TRANK1: variants seen among roughly 807,000 people sequenced by gnomAD.
TRANK1 encodes the protein tetratricopeptide repeat and ankyrin repeat containing 1.
Under a neutral mutation model 266.0 loss-of-function variants are expected in TRANK1, and 198 were observed. That is an observed-to-expected ratio of 0.74 (90% CI 0.66 to 0.84). The LOEUF (loss-of-function observed/expected upper bound fraction) is 0.84. Ranked by LOEUF, TRANK1 falls within the 40% of genes least tolerant of loss-of-function variation. The probability of loss-of-function intolerance (pLI) is 0.00; values close to 1 mark genes in which losing one functional copy is unlikely to be tolerated. For synonymous variants in TRANK1, 1,396 were observed against 1,384.1 expected, an observed-to-expected ratio of 1.01 and a Z score of -0.19; for missense variants, 3,326 against 3,634.6, an observed-to-expected ratio of 0.92 and a Z score of 2.18.
intron 7 of TRANK1, among the ~76,000 whole-genome samples, chr3:36,890,924 TA>T (rs1246028174): frequency 3.9e-5 from 6 of 152,228 alleles, no homozygotes; most frequent in Non-Finnish European, 7.3e-5. Context: ...ATGACATTCA[TA>T]ACCAGAGCCA....
intron 8 of TRANK1, among the ~76,000 whole-genome samples, chr3:36,878,756 C>T (rs1438105541): frequency 6.7e-6 from 1 of 148,414 alleles, no homozygotes; most frequent in Non-Finnish European, 1.5e-5. Context: ...GTACCCCCCC[C>T]GAACCTAAAA....
intron 1 of TRANK1, among the ~76,000 whole-genome samples, chr3:36,936,523 T>A (rs1410770393): frequency 3.3e-5 from 5 of 149,588 alleles, no homozygotes; most frequent in African/African-American, 1.2e-4. Flanking sequence ...TTGAAGGGAA[T>A]CTAAGATAGG....
In TRANK1 at chr3:36,832,596, C is replaced by A. The variant is rs1298870601; in HGVS notation, c.6987G>T (p.Leu2329=). The A allele has an allele frequency of 3.1e-6, 5 of 1,614,026 alleles. No individual in the cohort carries two copies. The highest frequency in any genetic ancestry group is 4.2e-6 in the Non-Finnish European group (5 of 1,179,902). The change falls in exon 22 of 24, where the codon CTG becomes CTT. Residue 2329 remains leucine, a synonymous_variant. Transcript: ENST00000645898. ...GGAAAGCTTGCATGGCACTCAGCCACAGGTCTGTGGATTCCCGGCGGTTGC... is the reference window on the plus strand; with the variant it reads ...GGAAAGCTTGCATGGCACTCAGCCAAAGGTCTGTGGATTCCCGGCGGTTGC... ...SARNRRESTD[L]WLSAMQAFLL...
At chr3:36,905,511 G>A (rs568435734) in intron 2 of TRANK1, among the ~76,000 whole-genome samples, 1 of 152,276 alleles carries the variant, frequency 6.6e-6, no homozygotes, top group South Asian at 2.1e-4. Flanking sequence ...CCTCACAGGG[G>A]GCAGCTTGAT....
At chr3:36,917,808 G>A (rs1376788507) in intron 1 of TRANK1, among the ~76,000 whole-genome samples, 1 of 152,094 alleles carries the variant, frequency 6.6e-6, no homozygotes, top group Non-Finnish European at 1.5e-5. Context: ...CTCTTTTCAT[G>A]CACAAAGCAC....
chr3:36,883,441 T>C (rs1575258611), intron 8 of TRANK1, among the ~76,000 whole-genome samples: 6 of 110,604 alleles, frequency 5.4e-5, no homozygotes, highest in African/African-American at 2.4e-4. Flanking sequence ...TAAGACTCTG[T>C]CTCAAAAAAA....
intron 15 of TRANK1, among the ~76,000 whole-genome samples, chr3:36,848,436 T>G (rs1340981271): frequency 6.6e-6 from 1 of 152,212 alleles, no homozygotes; most frequent in Non-Finnish European, 1.5e-5. Flanking sequence ...CTTAAGAAAC[T>G]TCATATTTCA....
intron 2 of TRANK1, 113 bp downstream of exon 2, chr3:36,908,210 A>G: frequency 8.7e-7 from 1 of 1,143,884 alleles, no homozygotes; most frequent in Non-Finnish European, 1.1e-6. Flanking sequence ...ATAGGAAGTG[A>G]GCAATAAAGA....
In TRANK1 at chr3:36,832,736, A is replaced by C. The variant is rs754350879; in HGVS notation, c.6847T>G (p.Ser2283Ala). Residue 2283 changes from serine to alanine, a missense_variant, in exon 22 of 24, where the codon TCA (serine) becomes GCA (alanine). Physicochemically the swap from Ser to Ala is moderately conservative, Grantham distance 99 (BLOSUM62 1). Coordinates refer to ENST00000645898, the MANE Select transcript of TRANK1 (RefSeq NM_001329998.2). ...FPKHFHQRVL[S>A]ENPMACKEIL... Reference sequence around the variant, plus strand: ...TCTTTGCATGCCATGGGGTTTTCTGACAACACTCTCTGATGGAAATGCTTA... The same window carrying C: ...TCTTTGCATGCCATGGGGTTTTCTGCCAACACTCTCTGATGGAAATGCTTA... The C allele has an allele frequency of 6.2e-7, 1 of 1,614,030 alleles. No homozygotes were observed. The highest frequency in any genetic ancestry group is 1.1e-5 in the South Asian group (1 of 91,078).
At chr3:36,890,701 T>C (rs1386042878) in intron 7 of TRANK1, among the ~76,000 whole-genome samples, 1 of 152,184 alleles carries the variant, frequency 6.6e-6, no homozygotes. Flanking sequence ...AAGACATATA[T>C]ATTGAATTCT....
chr3:36,858,787 G>A lies in TRANK1; in HGVS notation c.1603C>T (p.Arg535Cys), dbSNP rs1376303697. 16 of 1,537,166 alleles carry A rather than the reference G, an allele frequency of 1.0e-5. No individual in the cohort carries two copies. The highest frequency in any genetic ancestry group is 3.9e-5 in the Admixed American group (2 of 51,000). Residue 535 changes from arginine (R) to cysteine (C), a missense_variant, in exon 12 of 24, where the codon CGT becomes TGT. By Grantham distance (180) the Arg-to-Cys change is radical. Coordinates refer to ENST00000645898, the MANE Select transcript of TRANK1 (RefSeq NM_001329998.2). ...TCACCTTCCGTGAGAGAAATAGCAC[G>A]GGGGTCTGCGCCCTTGGTCAAGAGA... ...FLLLTKGADPRAISLTEGDTP... is the reference protein window; with the variant it reads ...FLLLTKGADPCAISLTEGDTP...
chr3:36,861,052 C>T lies in TRANK1; in HGVS notation c.1349G>A (p.Arg450His), dbSNP rs867031552. The stretch of plus-strand genomic sequence containing the variant: ...AAGCGGTGGTTCTCCACTTACTTTG[C>T]GGGTCAGCAGCAGAAGCACCTCAGG... Reference protein sequence around the residue: ...RWPEVLLLLTRKVSGEPPLGD... With the variant: ...RWPEVLLLLTHKVSGEPPLGD... Residue 450 changes from arginine (R) to histidine (H), a missense_variant, in exon 11 of 24, where the codon CGC becomes CAC. Coordinates refer to ENST00000645898, the MANE Select transcript of TRANK1 (RefSeq NM_001329998.2). 1.5e-5 allele frequency: 23 copies of T among 1,537,654 alleles called. No individual in the cohort carries two copies. Among genetic ancestry groups the T allele is most frequent in the Admixed American group, 2.0e-5 (1 of 50,970 alleles).
At chr3:36,873,695 G>C (rs1022735179) in intron 9 of TRANK1, among the ~76,000 whole-genome samples, 1 of 152,116 alleles carries the variant, frequency 6.6e-6, no homozygotes, top group Non-Finnish European at 1.5e-5. Context: ...CATCTTTTAC[G>C]TGGTCTTGTC....
intron 1 of TRANK1, among the ~76,000 whole-genome samples, chr3:36,909,422 A>C (rs972961166): frequency 1.3e-5 from 2 of 152,206 alleles, no homozygotes; most frequent in African/African-American, 4.8e-5. Flanking sequence ...ACCCAGGAAG[A>C]TCTTAAGAAG....
At chr3:36,863,274 C>T (rs1054586768) in intron 10 of TRANK1, among the ~76,000 whole-genome samples, 11 of 152,132 alleles carry the variant, frequency 7.2e-5, no homozygotes, top group African/African-American at 2.4e-4. Flanking sequence ...GCATTCCCAT[C>T]GAATGGGCTT....
rs766102379 is a variant in TRANK1, at chr3:36,856,075, G to A, written c.3647C>T (p.Thr1216Ile). The A allele has an allele frequency of 1.9e-5, 31 of 1,613,676 alleles. No homozygotes were observed. Among genetic ancestry groups the A allele is most frequent in the Non-Finnish European group, 2.5e-5 (30 of 1,179,866 alleles). The change falls in exon 13 of 24, where the codon ACC becomes ATC. Residue 1216 changes from threonine (T) to isoleucine (I), a missense_variant. Coordinates refer to ENST00000645898, the MANE Select transcript of TRANK1 (RefSeq NM_001329998.2). ...TGGTTTGTAATGACTAGTGGCCTTG[G>A]TGGACTTGGAAAGCTCAATGAAATT... ...QRNFIELSKS[T>I]KATSHYKPLD... is the part of the protein sequence containing the mutation.
Position 36,855,236 on chromosome 3 carries a change from G to A in TRANK1, c.4486C>T (p.Gln1496Ter). The change falls in exon 13 of 24, where the codon CAG becomes TAG. Residue 1496 changes from glutamine to a stop codon, truncating the protein, a stop_gained. Transcript: ENST00000645898. LOFTEE classifies it high-confidence loss of function. ...HYASRNTIDK[Q>*]CAVRKPKKIH... is the part of the protein sequence containing the mutation. ...TTCTTGGGCTTCCGGACAGCACACTGCTTGTCTATGGTGTTTCTGCTGGCA... is the reference window on the plus strand; with the variant it reads ...TTCTTGGGCTTCCGGACAGCACACTACTTGTCTATGGTGTTTCTGCTGGCA... The A allele has an allele frequency of 6.2e-7, 1 of 1,614,056 alleles. No individual in the cohort carries two copies. The highest frequency in any genetic ancestry group is 8.5e-7 in the Non-Finnish European group (1 of 1,179,898).
At chr3:36,840,605 T>C (rs2078831028) in intron 18 of TRANK1, among the ~76,000 whole-genome samples, 2 of 152,218 alleles carry the variant, frequency 1.3e-5, no homozygotes, top group Non-Finnish European at 2.9e-5. Context: ...ACTGGGCCAG[T>C]TCCAAGGCCA....
intron 6 of TRANK1, 72 bp downstream of exon 6, chr3:36,892,829 A>G: frequency 3.3e-6 from 2 of 610,622 alleles, no homozygotes; most frequent in Non-Finnish European, 4.3e-6. Flanking sequence ...CTCAGTCTCA[A>G]AACAAAACAA....
Sources: gnomAD v4.1 joint callset for allele counts (sites outside exome capture counted in the v4.1 genomes callset) on GRCh38, gnomAD v4.1.1 for gene constraint, MANE v1.5 for transcripts, NCBI Gene and HGNC (gene_info 2026-07-23, HGNC 2026-07-21) for gene names.